Variants in CALD1 observed in about 807,000 individuals in gnomAD.
CALD1 encodes the protein caldesmon 1.
CALD1 carries 33 observed loss-of-function variants against 99.9 expected under a neutral mutation model. That is an observed-to-expected ratio of 0.33 (90% CI 0.25 to 0.44). The LOEUF (loss-of-function observed/expected upper bound fraction) is 0.44. Ranked by LOEUF, CALD1 falls within the 20% of genes least tolerant of loss-of-function variation. The probability of loss-of-function intolerance (pLI) is 1.00; values close to 1 mark genes in which losing one functional copy is unlikely to be tolerated. For missense variants in CALD1, 861 were observed against 962.1 expected (o/e 0.89, Z 1.39); for synonymous variants, 310 against 325.0 (o/e 0.95, Z 0.50).
chr7:134,941,292 A>G (rs2133060744), intron 7 of CALD1, 55 bp downstream of exon 7: 2 of 1,463,766 alleles, frequency 1.4e-6, no homozygotes, highest in African/African-American at 1.4e-5. Context: ...AGAAAAAAAA[A>G]AAAAAGTCAG....
the CALD1 span, among the ~76,000 whole-genome samples, chr7:134,733,209 T>C: frequency 6.6e-6 from 1 of 152,220 alleles, no homozygotes; most frequent in African/African-American, 2.4e-5. Context: ...GCTACAATTA[T>C]AGGCTTCCTA....
rs149579591 is a variant in CALD1 at position 134,783,828 on chromosome 7, T to C, written c.-130+4079T>C. Among the ~76,000 whole-genome samples, 807 of 152,138 alleles carry C rather than the reference T, an allele frequency of 5.3e-3. 11 individuals are homozygous for C. Among genetic ancestry groups the C allele is most frequent in the African/African-American group, 0.019 (778 of 41,500 alleles). On this transcript the variant is annotated intron_variant, in intron 1 of 14. Coordinates refer to ENST00000361675, the MANE Select transcript of CALD1 (RefSeq NM_033138.4). This position sits in a 1 kb window ranked among gnomAD's most constrained non-coding sequence, Gnocchi z 4.3. ...AACATGAGTGGAGGTGTCCATGATC[T>C]GGAAGGAAGAAAAGAGGGGGTAAAT...
chr7:134,746,284 GTGAGGACAC>G (rs1796634106), intron 1 of CALD1, among the ~76,000 whole-genome samples: 1 of 152,236 alleles, frequency 6.6e-6, no homozygotes, highest in African/African-American at 2.4e-5. Flanking sequence ...CCTTCACTCT[GTGAGGACAC>G]AGCAAGAAGG....
At chr7:134,845,966 G>C (rs1799835474) in intron 2 of CALD1, among the ~76,000 whole-genome samples, 1 of 152,192 alleles carries the variant, frequency 6.6e-6, no homozygotes, top group South Asian at 2.1e-4. Flanking sequence ...TGGGGGCTAT[G>C]CCCCAAACCA....
rs138471668 is a variant in CALD1 at position 134,943,485 on chromosome 7, C to T, written c.1532+2248C>T. 4.6e-4 allele frequency among the ~76,000 whole-genome samples: 70 copies of T among 152,214 alleles called. 1 individual carries two copies. Among genetic ancestry groups the T allele is most frequent in the African/African-American group, 1.5e-3 (63 of 41,552 alleles). On this transcript the variant is annotated intron_variant, in intron 7 of 14. Coordinates refer to ENST00000361675, the MANE Select transcript of CALD1 (RefSeq NM_033138.4). ...TTGATATCTGCATTTTCTTGTAACT[C>T]GTTTTCTCTAAAACATGACATAAAA...
At chr7:134,782,273 G>A (rs775455083) in intron 1 of CALD1, among the ~76,000 whole-genome samples, 28 of 152,220 alleles carry the variant, frequency 1.8e-4, no homozygotes, top group Non-Finnish European at 3.1e-4. Context: ...AATGCTGATA[G>A]AGTGGTATGC....
At chr7:134,747,833 C>T (rs549925749) in intron 1 of CALD1, among the ~76,000 whole-genome samples, 5 of 152,350 alleles carry the variant, frequency 3.3e-5, no homozygotes, top group African/African-American at 7.2e-5. Flanking sequence ...CATAGAGAGT[C>T]CCCACTAAGG....
chr7:134,826,828 C>T (rs774239020), intron 1 of CALD1, among the ~76,000 whole-genome samples: 1 of 152,116 alleles, frequency 6.6e-6, no homozygotes, highest in Non-Finnish European at 1.5e-5. Flanking sequence ...TCACCTCCTG[C>T]TCCAAATTCC....
chr7:134,901,224 G>A (rs371378062), intron 3 of CALD1, among the ~76,000 whole-genome samples: 1 of 151,528 alleles, frequency 6.6e-6, no homozygotes, highest in East Asian at 1.9e-4. Flanking sequence ...GGACAAGTGA[G>A]GAGAGCATAA....
At chr7:134,958,854 T>A (rs1807990472) in intron 11 of CALD1, among the ~76,000 whole-genome samples, 2 of 145,314 alleles carry the variant, frequency 1.4e-5, no homozygotes, top group South Asian at 4.3e-4. Context: ...TTGTAACGAA[T>A]GGGTTTACTG....
chr7:134,837,399 A>G (rs1404547355), intron 1 of CALD1, among the ~76,000 whole-genome samples: 2 of 151,714 alleles, frequency 1.3e-5, no homozygotes, highest in African/African-American at 2.4e-5. Context: ...CTGGAGTGCA[A>G]TGGCATGATC....
chr7:134,725,313 T>C, the CALD1 span, among the ~76,000 whole-genome samples: 3 of 152,082 alleles, frequency 2.0e-5, no homozygotes, highest in African/African-American at 7.2e-5. Flanking sequence ...CAAAAGGAGG[T>C]GTCCATGGGT....
At chr7:134,937,568 C>T (rs1214483646) in intron 6 of CALD1, among the ~76,000 whole-genome samples, 2 of 150,676 alleles carry the variant, frequency 1.3e-5, no homozygotes, top group Non-Finnish European at 2.9e-5. Context: ...ATGTAGACAG[C>T]TTTAAATCAT....
intron 3 of CALD1, among the ~76,000 whole-genome samples, chr7:134,928,358 G>A (rs1286316216): frequency 6.7e-6 from 1 of 148,694 alleles, no homozygotes; most frequent in Admixed American, 6.8e-5. Context: ...GATCCCAGGA[G>A]GTGGAGGTGG....
rs752184826 is a variant in CALD1, at chr7:134,933,219, A to G, written c.450A>G (p.Glu150=). ...DTAENETTEK[E]EKSESRQERY... ...CAGAAAATGAAACTACCGAGAAGGA[A>G]GAAAAAAGTGAAAGTCGCCAAGAAA... is the stretch of plus-strand genomic sequence containing the variant. The change falls in exon 5 of 15, where the codon GAA becomes GAG. Residue 150 remains glutamate (E), a synonymous_variant. Transcript: ENST00000361675. 2 of 1,611,184 alleles carry G rather than the reference A, an allele frequency of 1.2e-6. No homozygotes were observed. The highest frequency in any genetic ancestry group is 1.7e-5 in the Admixed American group (1 of 59,416).
chr7:134,949,578 A>G (rs1429740230), intron 8 of CALD1, among the ~76,000 whole-genome samples: 2 of 152,182 alleles, frequency 1.3e-5, no homozygotes, highest in Non-Finnish European at 2.9e-5. Flanking sequence ...GCGGGGAGCA[A>G]CCATAAAATC....
intron 2 of CALD1, among the ~76,000 whole-genome samples, chr7:134,846,713 G>A (rs1370202167): frequency 1.3e-5 from 2 of 152,134 alleles, no homozygotes; most frequent in African/African-American, 4.8e-5. Flanking sequence ...TCAGAGATCT[G>A]GAAGCCACCT....
rs139824218 is a variant in CALD1 at position 134,937,351 on chromosome 7, C to T, written c.1386+1586C>T. ...ACTCCCAGGAATGAGTGAGCCCTGCCGTTTTCCCAAGTTGCCCCTCAGCAC... is the reference window on the plus strand; with the variant it reads ...ACTCCCAGGAATGAGTGAGCCCTGCTGTTTTCCCAAGTTGCCCCTCAGCAC... On this transcript the variant is annotated intron_variant, in intron 6 of 14. Coordinates refer to ENST00000361675, the MANE Select transcript of CALD1 (RefSeq NM_033138.4). 1.2e-4 allele frequency among the ~76,000 whole-genome samples: 19 copies of T among 152,184 alleles called. No homozygotes were observed. In the East Asian group the frequency reaches 1.3e-3, roughly 11 times the overall value.
chr7:134,892,029 T>C (rs1338870209), intron 3 of CALD1, among the ~76,000 whole-genome samples: 2 of 152,164 alleles, frequency 1.3e-5, no homozygotes, highest in Admixed American at 6.5e-5. Flanking sequence ...ACCTTAGCCC[T>C]CCGTTCAGAA....
Sources: gnomAD v4.1 joint callset for allele counts (sites outside exome capture counted in the v4.1 genomes callset) on GRCh38, gnomAD v4.1.1 for gene constraint, Gnocchi (gnomAD v3.1) non-coding constraint, MANE v1.5 for transcripts, NCBI Gene and HGNC (gene_info 2026-07-23, HGNC 2026-07-21) for gene names.